The following FOXJ3 variants were observed in gnomAD, a reference collection of about 807,000 sequenced individuals.
The protein encoded by FOXJ3 is forkhead box J3.
FOXJ3 carries 22 observed loss-of-function variants against 76.1 expected under a neutral mutation model. The ratio of observed to expected loss-of-function variants is 0.29; its 90% CI spans 0.21 to 0.41. The LOEUF (loss-of-function observed/expected upper bound fraction) is 0.41, where lower values mean the gene tolerates loss of function less well. Among genes scored for constraint, FOXJ3 ranks in the 10% least tolerant of loss-of-function variants. The pLI is 1.00. For missense variants in FOXJ3, 613 were observed against 762.1 expected (o/e 0.80, Z 2.30); for synonymous variants, 269 against 261.2 (o/e 1.03, Z -0.29).
intron 4 of FOXJ3, among the ~76,000 whole-genome samples, chr1:42,255,507 T>C (rs1249715437): frequency 6.6e-6 from 1 of 152,126 alleles, no homozygotes; most frequent in Non-Finnish European, 1.5e-5. Context: ...TCATATTAAA[T>C]ACAAAGACTA....
chr1:42,276,794 T>C (rs577059029), intron 3 of FOXJ3, among the ~76,000 whole-genome samples: 1 of 152,310 alleles, frequency 6.6e-6, no homozygotes, highest in South Asian at 2.1e-4. Flanking sequence ...CATTAAGACA[T>C]ACTTATATTA....
chr1:42,330,394 T>C (rs1270889143), intron 1 of FOXJ3, among the ~76,000 whole-genome samples: 1 of 152,090 alleles, frequency 6.6e-6, no homozygotes, highest in East Asian at 1.9e-4. Flanking sequence ...TCCTAGCGCT[T>C]TGGGAGGCCA....
At chr1:42,216,206 T>G (rs117009519) in intron 5 of FOXJ3, among the ~76,000 whole-genome samples, 2 of 152,174 alleles carry the variant, frequency 1.3e-5, no homozygotes, top group East Asian at 3.9e-4. Context: ...CCAGAAATGG[T>G]AGACACTGGC....
At chr1:42,292,037 G>A (rs543620135) in intron 2 of FOXJ3, among the ~76,000 whole-genome samples, 1 of 152,074 alleles carries the variant, frequency 6.6e-6, no homozygotes, top group African/African-American at 2.4e-5. Context: ...GGACCCTGAG[G>A]AGGGGGGTGC....
At chr1:42,238,226 G>A (rs1415611239) in intron 4 of FOXJ3, among the ~76,000 whole-genome samples, 1 of 151,864 alleles carries the variant, frequency 6.6e-6, no homozygotes, top group African/African-American at 2.4e-5. Flanking sequence ...GTAGAGATGG[G>A]ATTTCACCAC....
intron 2 of FOXJ3, among the ~76,000 whole-genome samples, chr1:42,304,518 G>C (rs1654343603): frequency 6.6e-6 from 1 of 152,162 alleles, no homozygotes; most frequent in African/African-American, 2.4e-5. Context: ...CAGAGCTATA[G>C]TAACCAAAAC....
chr1:42,192,730 G>A (rs1465148625), intron 8 of FOXJ3, among the ~76,000 whole-genome samples: 1 of 151,154 alleles, frequency 6.6e-6, no homozygotes, highest in Admixed American at 6.6e-5. Flanking sequence ...GCAATGTTAT[G>A]CTGAACCAAA....
intron 5 of FOXJ3, among the ~76,000 whole-genome samples, chr1:42,218,518 T>TTGACAGATC (rs1184609801): frequency 1.3e-5 from 2 of 152,200 alleles, no homozygotes; most frequent in Non-Finnish European, 2.9e-5. Context: ...GGATAGTGAG[T>TTGACAGATC]TGACAGATCT....
At chr1:42,335,279 T>A (rs920425772), upstream of FOXJ3, 3 of 151,898 alleles carry the variant, frequency 2.0e-5, no homozygotes, top group African/African-American at 7.3e-5. Context: ...CACCGCCTCC[T>A]GCGGCGTCGC....
chr1:42,267,065 G>A (rs1252982400), intron 3 of FOXJ3, among the ~76,000 whole-genome samples: 6 of 151,992 alleles, frequency 3.9e-5, no homozygotes, highest in Non-Finnish European at 7.4e-5. Context: ...GAGAAGAGGC[G>A]CGAAACTCTC....
At chr1:42,312,049 G>T (rs551635641) in intron 1 of FOXJ3, among the ~76,000 whole-genome samples, 5 of 152,146 alleles carry the variant, frequency 3.3e-5, no homozygotes, top group Non-Finnish European at 7.3e-5. Context: ...TGCACAAGTG[G>T]CGGAAACTGT....
At chr1:42,238,058 G>A (rs1432501190) in intron 4 of FOXJ3, among the ~76,000 whole-genome samples, 1 of 151,792 alleles carries the variant, frequency 6.6e-6, no homozygotes. Context: ...TTTGAGACGG[G>A]AGTCTCACTC....
intron 4 of FOXJ3, among the ~76,000 whole-genome samples, chr1:42,246,091 A>G (rs1374439013): frequency 1.3e-5 from 2 of 152,196 alleles, no homozygotes; most frequent in African/African-American, 4.8e-5. Flanking sequence ...ACTTCAGGAC[A>G]TTGAGTAGAC....
rs751497738 is a variant in FOXJ3, at chr1:42,291,079, TAGATAGAC to T, written c.45-12415_45-12408del. Among the ~76,000 whole-genome samples, 148 of 125,660 alleles carry T rather than the reference TAGATAGAC, an allele frequency of 1.2e-3. 4 individuals are homozygous for T. The highest frequency in any genetic ancestry group is 4.2e-3 in the African/African-American group (143 of 33,950). 82.4% of individuals were successfully genotyped at this position (125,660 alleles called of 152,430 possible). A position where few individuals can be genotyped will look rare whatever the true frequency, so the allele number is the denominator to read the frequency against. ...ATAGATAGATAGATAGATAGATAGA[TAGATAGAC>T]AGACAGACAGACAGATAGATCCACA... is the stretch of plus-strand genomic sequence containing the variant. On this transcript the variant is annotated intron_variant, in intron 2 of 12. Transcript: ENST00000361346.
chr1:42,325,825 T>C (rs1431436535), intron 1 of FOXJ3, among the ~76,000 whole-genome samples: 1 of 152,186 alleles, frequency 6.6e-6, no homozygotes, highest in Non-Finnish European at 1.5e-5. Flanking sequence ...CAACTTCTAA[T>C]GCAAAGAAAA....
chr1:42,332,798 A>G (rs1257937404), intron 1 of FOXJ3, among the ~76,000 whole-genome samples: 1 of 152,158 alleles, frequency 6.6e-6, no homozygotes, highest in Non-Finnish European at 1.5e-5. Flanking sequence ...CGCTTTGCAC[A>G]GGCCCCTTCA....
At chr1:42,182,045 A>G (rs199840083) in intron 11 of FOXJ3, 21 bp from the exon 12 acceptor site, 73 of 1,388,718 alleles carry the variant, frequency 5.3e-5, no homozygotes, top group Non-Finnish European at 6.7e-5. Context: ...TAAAAGCAGA[A>G]AGAGGGAAAA....
intron 3 of FOXJ3, among the ~76,000 whole-genome samples, chr1:42,274,433 G>A (rs1652100909): frequency 6.6e-6 from 1 of 152,044 alleles, no homozygotes; most frequent in African/African-American, 2.4e-5. Flanking sequence ...TATAGTTTTT[G>A]CAGAATTATG....
chr1:42,259,354 G>A (rs1402646713), intron 4 of FOXJ3, among the ~76,000 whole-genome samples: 2 of 151,998 alleles, frequency 1.3e-5, no homozygotes, highest in East Asian at 3.9e-4. Context: ...ACACCAAAGA[G>A]TAAATTTCAC....
Sources: gnomAD v4.1 joint callset for allele counts (sites outside exome capture counted in the v4.1 genomes callset) on GRCh38, gnomAD v4.1.1 for gene constraint, MANE v1.5 for transcripts, NCBI Gene and HGNC (gene_info 2026-07-23, HGNC 2026-07-21) for gene names.